Variants in PLA2G2C observed in about 807,000 individuals in gnomAD.
PLA2G2C encodes the protein phospholipase A2 group IIC, also known as putative inactive group IIC secretory phospholipase A2.
Under a neutral mutation model 14.3 loss-of-function variants are expected in PLA2G2C, and 15 were observed. The ratio of observed to expected loss-of-function variants is 1.05; its 90% confidence interval spans 0.70 to 1.62. PLA2G2C has a LOEUF of 1.62. Among genes scored for constraint, PLA2G2C ranks in the 40% most tolerant of loss-of-function variants. PLA2G2C has a pLI of 0.00. For missense variants in PLA2G2C, 162 were observed against 173.2 expected, an observed-to-expected ratio of 0.94 and a Z score of 0.36; for synonymous variants, 79 against 67.7, an observed-to-expected ratio of 1.17 and a Z score of -0.82.
intron 1 of PLA2G2C, among the ~76,000 whole-genome samples, chr1:20,185,866 G>A (rs935838284): frequency 2.0e-5 from 3 of 152,222 alleles, no homozygotes; most frequent in Non-Finnish European, 4.4e-5. Context: ...GAGAAACAGA[G>A]GCGGTGACGC....
rs767490034 is a variant in PLA2G2C at position 20,163,984 on chromosome 1, G to A, written c.*7C>T. 1.1e-5 allele frequency: 18 copies of A among 1,610,370 alleles called. No individual in the cohort carries two copies. Among genetic ancestry groups the A allele is most frequent in the Admixed American group, 5.0e-5 (3 of 59,638 alleles). The stretch of plus-strand genomic sequence containing the variant: ...TGCTGGATGATGAGAGGGACCCTGT[G>A]GTGTCCCTAGCACCAGGGCTTATGT... On this transcript the variant is annotated 3_prime_UTR_variant, in exon 5 of 5. Transcript: ENST00000679259.
chr1:20,179,671 C>CG (rs2018247375), intron 1 of PLA2G2C, among the ~76,000 whole-genome samples: 2 of 143,980 alleles, frequency 1.4e-5, no homozygotes, highest in African/African-American at 2.6e-5. Context: ...GCTTCTCCCT[C>CG]TATGTCAGTT....
At chr1:20,177,062 A>G (rs2018198318) in intron 2 of PLA2G2C, among the ~76,000 whole-genome samples, 2 of 152,190 alleles carry the variant, frequency 1.3e-5, no homozygotes. Context: ...GGGGGGTAAA[A>G]TAGTAGTCAA....
chr1:20,171,918 C>A (rs888984140), intron 4 of PLA2G2C, among the ~76,000 whole-genome samples: 4 of 151,310 alleles, frequency 2.6e-5, no homozygotes, highest in African/African-American at 7.3e-5. Context: ...CCCACCATCA[C>A]GCCCGGCTAA....
intron 4 of PLA2G2C, among the ~76,000 whole-genome samples, chr1:20,166,502 G>A (rs1005587783): frequency 6.6e-6 from 1 of 152,144 alleles, no homozygotes; most frequent in Admixed American, 6.5e-5. Flanking sequence ...AGGGGACGAG[G>A]GCTACTTGAG....
chr1:20,170,409 G>C (rs1160273830), intron 4 of PLA2G2C, among the ~76,000 whole-genome samples: 1 of 152,204 alleles, frequency 6.6e-6, no homozygotes, highest in Non-Finnish European at 1.5e-5. Flanking sequence ...TTTAGCTCTG[G>C]AGTTTCCACA....
At chr1:20,176,351 G>A (rs759973226) in intron 2 of PLA2G2C, among the ~76,000 whole-genome samples, 36 of 152,196 alleles carry the variant, frequency 2.4e-4, no homozygotes, top group Non-Finnish European at 4.3e-4. Context: ...GGAGGATGAG[G>A]AGGAGCTTTA....
chr1:20,185,524 C>T (rs542831227), intron 1 of PLA2G2C, among the ~76,000 whole-genome samples: 1 of 152,240 alleles, frequency 6.6e-6, no homozygotes, highest in South Asian at 2.1e-4. Flanking sequence ...TGGCTGGGGA[C>T]ATCAAAGGAG....
intron 1 of PLA2G2C, among the ~76,000 whole-genome samples, chr1:20,185,542 T>C (rs190991904): frequency 2.0e-5 from 3 of 152,144 alleles, no homozygotes; most frequent in African/African-American, 4.8e-5. Context: ...GAGGTGCAGA[T>C]GCTGTTGATA....
chr1:20,174,234 C>CCCTAGT (rs1434610650), intron 3 of PLA2G2C, among the ~76,000 whole-genome samples: 2 of 152,172 alleles, frequency 1.3e-5, no homozygotes, highest in African/African-American at 4.8e-5. Context: ...ACTGTGGGGA[C>CCCTAGT]ATGTTTCTCC....
chr1:20,175,155 C>G lies in PLA2G2C; in HGVS notation c.41-10G>C, dbSNP rs545735800. 6.2e-7 allele frequency: 1 copy of G among 1,613,196 alleles called. No homozygotes were observed. Among genetic ancestry groups the G allele is most frequent in the East Asian group, 2.2e-5 (1 of 44,860 alleles). ...CTGCTGTGGGTGGGGGCTGCCACCA[C>G]CGATGAGAAAAAAAGGAAGAAGGAA... On this transcript the variant is annotated splice_polypyrimidine_tract_variant and intron_variant, in intron 2 of 4. Transcript: ENST00000679259.
chr1:20,175,317 T>C, intron 2 of PLA2G2C, 172 bp from the exon 3 acceptor site: 2 of 937,934 alleles, frequency 2.1e-6, no homozygotes, highest in Non-Finnish European at 3.2e-6. Flanking sequence ...GGGAATAAAA[T>C]AGGTTCAGAT....
chr1:20,171,765 T>G (rs2018078954), intron 4 of PLA2G2C, among the ~76,000 whole-genome samples: 1 of 146,804 alleles, frequency 6.8e-6, no homozygotes, highest in African/African-American at 2.5e-5. Flanking sequence ...CTTCTTTTTT[T>G]TTTTTTTTTT....
chr1:20,177,733 T>G (rs1316875881), intron 1 of PLA2G2C, among the ~76,000 whole-genome samples: 1 of 152,176 alleles, frequency 6.6e-6, no homozygotes, highest in Non-Finnish European at 1.5e-5. Context: ...ATATTTCCTC[T>G]GTTCCCGAGT....
At chr1:20,179,212 C>CTGTGTGTGTGTGTGTG (rs35377696) in intron 1 of PLA2G2C, among the ~76,000 whole-genome samples, 2 of 149,764 alleles carry the variant, frequency 1.3e-5, no homozygotes, top group African/African-American at 4.9e-5. Context: ...GTCAGTTTCT[C>CTGTGTGTGTGTGTGTG]TGTGTGTGTG....
intron 1 of PLA2G2C, among the ~76,000 whole-genome samples, chr1:20,183,743 G>T (rs1201082017): frequency 6.6e-6 from 1 of 152,212 alleles, no homozygotes; most frequent in Non-Finnish European, 1.5e-5. Context: ...CTTCAAGGAA[G>T]AGAGCAGGGT....
At chr1:20,178,538 G>T (rs184024637) in intron 1 of PLA2G2C, among the ~76,000 whole-genome samples, 34 of 152,300 alleles carry the variant, frequency 2.2e-4, no homozygotes, top group African/African-American at 7.9e-4. Flanking sequence ...ACCAGGCCTG[G>T]TCCCAGCCAA....
At position 20,167,745 on chromosome 1, in the gene PLA2G2C, A is replaced by C. The variant is rs113276958; in HGVS notation, c.284-3588T>G. 4.1e-3 allele frequency among the ~76,000 whole-genome samples: 626 copies of C among 152,222 alleles called. 8 individuals carry two copies. Among genetic ancestry groups the C allele is most frequent in the African/African-American group, 0.013 (529 of 41,530 alleles). ...AGAAGGCACGTGTCTCATCCTGTCC[A>C]ACCTCATCTCCATTCTTCCCCAAGG... On this transcript the variant is annotated intron_variant, in intron 4 of 4. Coordinates refer to ENST00000679259, the MANE Select transcript of PLA2G2C (RefSeq NM_001367969.2).
In PLA2G2C at chr1:20,163,890, C is replaced by T. The variant is rs373991747; in HGVS notation, c.*101G>A. The T allele has an allele frequency of 1.5e-5, 20 of 1,315,350 alleles. No individual in the cohort carries two copies. The African/African-American group carries it at 1.9e-4, about 13-fold the overall frequency. 81.5% of individuals were successfully genotyped at this position (1,315,350 alleles called of 1,614,324 possible). ...GCGGGAGACATTTTGTCCTCCCTCC[C>T]AGTGGAAGAACAGGGGCCTGTTGGG... On this transcript the variant is annotated 3_prime_UTR_variant, in exon 5 of 5. Coordinates refer to ENST00000679259, the MANE Select transcript of PLA2G2C (RefSeq NM_001367969.2).
Sources: gnomAD v4.1 joint callset for allele counts (sites outside exome capture counted in the v4.1 genomes callset) on GRCh38, gnomAD v4.1.1 for gene constraint, MANE v1.5 for transcripts, NCBI Gene and HGNC (gene_info 2026-07-23, HGNC 2026-07-21) for gene names.